The following WWOX variants were observed in gnomAD, a reference collection of about 807,000 sequenced individuals.
WWOX encodes WW domain-containing oxidoreductase.
A neutral mutation model predicts 46.2 loss-of-function variants in WWOX; 69 were observed. The observed-to-expected ratio is 1.49, with a 90% CI of 1.23 to 1.82. The LOEUF is 1.82. Among genes scored for constraint, WWOX ranks in the 40% most tolerant of loss-of-function variants. The pLI is 0.00. For missense variants in WWOX, 919 were observed against 542.6 expected, an observed-to-expected ratio of 1.69 and a Z score of -6.89; for synonymous variants, 359 against 202.6, an observed-to-expected ratio of 1.77 and a Z score of -6.56.
chr16:78,710,548 T>C (rs1009148949), intron 8 of WWOX, among the ~76,000 whole-genome samples: 1 of 142,876 alleles, frequency 7.0e-6, no homozygotes, highest in African/African-American at 2.6e-5. Flanking sequence ...TTATATATTT[T>C]TATATATTTA....
chr16:78,795,237 C>T (rs1313681744), intron 8 of WWOX, among the ~76,000 whole-genome samples: 1 of 152,104 alleles, frequency 6.6e-6, no homozygotes, highest in Admixed American at 6.5e-5. Context: ...CACAGATATT[C>T]TCTTTCTACA....
At chr16:78,546,518 G>T (rs1019086203) in intron 8 of WWOX, among the ~76,000 whole-genome samples, 1 of 152,170 alleles carries the variant, frequency 6.6e-6, no homozygotes, top group Non-Finnish European at 1.5e-5. Context: ...CCTTGCCCAA[G>T]AAAAGATTAT....
At chr16:78,767,374 A>G (rs926392650) in intron 8 of WWOX, among the ~76,000 whole-genome samples, 1 of 151,982 alleles carries the variant, frequency 6.6e-6, no homozygotes, top group Non-Finnish European at 1.5e-5. Flanking sequence ...TGCTCCGGTC[A>G]TCCACCCGCC....
intron 8 of WWOX, among the ~76,000 whole-genome samples, chr16:78,742,369 C>G (rs1021213719): frequency 6.6e-6 from 1 of 152,212 alleles, no homozygotes; most frequent in African/African-American, 2.4e-5. Context: ...CCACTTCTAG[C>G]TCTGGCTCAG....
rs531628979 is a variant in WWOX, at chr16:78,776,741, A to G, written c.1056+343989A>G. Among the ~76,000 whole-genome samples, 116 of 152,298 alleles carry G rather than the reference A, an allele frequency of 7.6e-4. 1 individual carries two copies. Among genetic ancestry groups the G allele is most frequent in the Non-Finnish European group, 1.5e-3 (104 of 68,032 alleles). On this transcript the variant is annotated intron_variant, in intron 8 of 8. Transcript: ENST00000566780. ...CAGAAAACTTACGATCATGGTGGAA[A>G]GGAAGCTAGTGCACCTTACATGGCG...
intron 8 of WWOX, among the ~76,000 whole-genome samples, chr16:79,022,857 G>C (rs1003520564): frequency 1.3e-5 from 2 of 152,154 alleles, no homozygotes; most frequent in African/African-American, 4.8e-5. Flanking sequence ...TCTGTGCTTT[G>C]CACTTTCTGG....
At chr16:78,630,632 C>T (rs892052162) in intron 8 of WWOX, among the ~76,000 whole-genome samples, 2 of 152,148 alleles carry the variant, frequency 1.3e-5, no homozygotes, top group Non-Finnish European at 2.9e-5. Context: ...TGGTTTTCTC[C>T]AGACTTCGCC....
intron 8 of WWOX, among the ~76,000 whole-genome samples, chr16:78,962,643 C>G (rs1188164857): frequency 1.3e-5 from 2 of 152,130 alleles, no homozygotes; most frequent in Non-Finnish European, 2.9e-5. Context: ...GCATCAGAAT[C>G]TAACTTGAGA....
At chr16:79,105,717 C>T (rs1052703135) in intron 8 of WWOX, among the ~76,000 whole-genome samples, 6 of 150,208 alleles carry the variant, frequency 4.0e-5, no homozygotes, top group Admixed American at 3.3e-4. Context: ...GGCTGGAGTG[C>T]AGTAGTGCAA....
At chr16:78,991,353 G>A (rs906775362) in intron 8 of WWOX, among the ~76,000 whole-genome samples, 2 of 152,124 alleles carry the variant, frequency 1.3e-5, no homozygotes, top group East Asian at 1.9e-4. Flanking sequence ...CAGCATTTTG[G>A]GAGGCTGAGA....
chr16:78,621,407 C>G (rs1045840587), intron 8 of WWOX, among the ~76,000 whole-genome samples: 1 of 151,858 alleles, frequency 6.6e-6, no homozygotes, highest in African/African-American at 2.4e-5. Context: ...TTTCACCTCT[C>G]CCCTGGTAAC....
At chr16:78,750,625 A>G (rs576773085) in intron 8 of WWOX, among the ~76,000 whole-genome samples, 7 of 152,096 alleles carry the variant, frequency 4.6e-5, no homozygotes, top group East Asian at 1.9e-4. Context: ...TAGTTTTTCA[A>G]TCCTTTTCTC....
intron 8 of WWOX, among the ~76,000 whole-genome samples, chr16:79,155,379 A>G (rs559312024): frequency 8.5e-5 from 13 of 152,048 alleles, no homozygotes; most frequent in African/African-American, 2.9e-4. Context: ...TGTTTCAACA[A>G]CAACAACAAA....
chr16:78,600,027 C>T (rs775754036), intron 8 of WWOX, among the ~76,000 whole-genome samples: 36 of 152,132 alleles, frequency 2.4e-4, no homozygotes, highest in Admixed American at 1.0e-3. Flanking sequence ...GGAGGCCTCA[C>T]AACCATGGTG....
chr16:79,086,558 A>G (rs1432135574), intron 8 of WWOX, among the ~76,000 whole-genome samples: 1 of 152,202 alleles, frequency 6.6e-6, no homozygotes, highest in Non-Finnish European at 1.5e-5. Context: ...CTCTGGAGTT[A>G]GAGACCTGAC....
chr16:78,895,902 C>G (rs1305457836), intron 8 of WWOX: 1 of 152,162 alleles, frequency 6.6e-6, no homozygotes, highest in Non-Finnish European at 1.5e-5. Flanking sequence ...TTTCGTATTA[C>G]TCCTGTCTTC....
At chr16:79,111,680 C>T (rs1219770937) in intron 8 of WWOX, among the ~76,000 whole-genome samples, 1 of 152,156 alleles carries the variant, frequency 6.6e-6, no homozygotes, top group African/African-American at 2.4e-5. Context: ...GGCAAATCAG[C>T]ATGGGTAATG....
chr16:78,732,884 G>C (rs1453437138), intron 8 of WWOX, among the ~76,000 whole-genome samples: 1 of 152,178 alleles, frequency 6.6e-6, no homozygotes, highest in African/African-American at 2.4e-5. Context: ...TTTCTTTCTT[G>C]AGAATAAGCG....
rs544762942 is a variant in WWOX, at chr16:78,927,107, C to T, written c.1057-284501C>T. Among the ~76,000 whole-genome samples, 56 of 152,310 alleles carry T rather than the reference C, an allele frequency of 3.7e-4. 1 individual carries two copies. Among genetic ancestry groups the T allele is most frequent in the African/African-American group, 1.3e-3 (54 of 41,570 alleles). On this transcript the variant is annotated intron_variant, in intron 8 of 8. Coordinates refer to ENST00000566780, the MANE Select transcript of WWOX (RefSeq NM_016373.4). ...CACCATGCCCTGCCCAGGCACCATT[C>T]TTGACTGCGAGAAAGTCACTGTGAT...
Sources: allele counts gnomAD v4.1 joint callset (sites outside exome capture counted in the v4.1 genomes callset), GRCh38; gene constraint gnomAD v4.1.1; transcripts MANE v1.5; gene names NCBI Gene and HGNC (gene_info 2026-07-23, HGNC 2026-07-21).